Variants in CCDC15 observed in about 807,000 individuals in gnomAD.
The protein encoded by CCDC15 is coiled-coil domain-containing protein 15.
A neutral mutation model predicts 114.5 loss-of-function variants in CCDC15; 105 were observed. The observed-to-expected ratio is 0.92, with a 90% CI of 0.78 to 1.08. The LOEUF (loss-of-function observed/expected upper bound fraction) is 1.08. Ranked by LOEUF, CCDC15 falls within the 50% of genes least tolerant of loss-of-function variation. CCDC15 has a pLI of 0.00. For missense variants in CCDC15, 1,105 were observed against 1,093.6 expected (o/e 1.01, Z -0.15); for synonymous variants, 334 against 377.8 (o/e 0.88, Z 1.34).
In CCDC15 at chr11:125,007,030, G is replaced by A. The variant is rs118083415; in HGVS notation, c.2411+1818G>A. Among the ~76,000 whole-genome samples, 65 of 152,296 alleles carry A rather than the reference G, an allele frequency of 4.3e-4. 1 individual carries two copies. The East Asian group carries it at 0.012, about 28-fold the overall frequency. ...ATGTATATGATCAAATGTATGATGT[G>A]TAATGATCAAATCAGAGTAATTTGG... On this transcript the variant is annotated intron_variant, in intron 13 of 15. Transcript: ENST00000344762.
rs543576074 is a variant in CCDC15 at position 124,986,708 on chromosome 11, C to A, written c.754-34C>A. 23 of 1,401,770 alleles carry A rather than the reference C, an allele frequency of 1.6e-5. 3 individuals carry two copies. Among genetic ancestry groups the A allele is most frequent in the Admixed American group, 4.8e-5 (2 of 42,080 alleles). 86.8% of individuals were successfully genotyped at this position (1,401,770 alleles called of 1,614,324 possible). ...GTGTGTGTTTGTGTGTGTGCGCGCGCGCGCGTGCGCGTTTTCATTGTTTTT... is the reference window on the plus strand; with the variant it reads ...GTGTGTGTTTGTGTGTGTGCGCGCGAGCGCGTGCGCGTTTTCATTGTTTTT... On this transcript the variant is annotated intron_variant, in intron 6 of 15. Transcript: ENST00000344762.
Position 125,034,030 on chromosome 11 carries a change from G to A in CCDC15, c.2412-4401G>A, listed in dbSNP as rs568729933. On this transcript the variant is annotated intron_variant, in intron 13 of 15. Transcript: ENST00000344762. Reference sequence around the variant, plus strand: ...CTTTAGTCTTGTTATAGGTCTAGAAGCAAACAGAGGTGTTGGGGATAGCTC... The same window carrying A: ...CTTTAGTCTTGTTATAGGTCTAGAAACAAACAGAGGTGTTGGGGATAGCTC... 1.5e-4 allele frequency among the ~76,000 whole-genome samples: 23 copies of A among 152,318 alleles called. No individual in the cohort carries two copies. The East Asian group carries it at 3.9e-3, about 26-fold the overall frequency.
intron 2 of CCDC15, among the ~76,000 whole-genome samples, chr11:124,958,223 T>G (rs911907701): frequency 1.3e-5 from 2 of 152,214 alleles, no homozygotes; most frequent in African/African-American, 4.8e-5. Context: ...GATCAAGAAC[T>G]CAAATGGGAT....
rs1397005527 is a variant in CCDC15 at position 124,961,856 on chromosome 11, C to CA, written c.516+1862dup. ...AATTTTTTCTTAAAAACCACCCAAACAAAAAAAAAGCCTAGAATCTCCAAT... is the reference window on the plus strand; with the variant it reads ...AATTTTTTCTTAAAAACCACCCAAACAAAAAAAAAAGCCTAGAATCTCCAAT... On this transcript the variant is annotated intron_variant, in intron 4 of 15. Transcript: ENST00000344762. Among the ~76,000 whole-genome samples the CA allele has an allele frequency of 4.0e-4, 60 of 149,184 alleles. No homozygotes were observed. In the South Asian group the frequency reaches 9.1e-3, roughly 23 times the overall value.
chr11:125,030,227 C>T lies in CCDC15; in HGVS notation c.2412-8204C>T, dbSNP rs143183529. Among the ~76,000 whole-genome samples, 42 of 152,264 alleles carry T rather than the reference C, an allele frequency of 2.8e-4. No individual in the cohort carries two copies. The East Asian group carries it at 3.9e-3, about 14-fold the overall frequency. Reference sequence around the variant, plus strand: ...GGGAGAAACAGTACCACATATTGGACGCTGATTCAGAGCGTACACAGCCTT... The same window carrying T: ...GGGAGAAACAGTACCACATATTGGATGCTGATTCAGAGCGTACACAGCCTT... On this transcript the variant is annotated intron_variant, in intron 13 of 15. Coordinates refer to ENST00000344762, the MANE Select transcript of CCDC15 (RefSeq NM_025004.3).
chr11:124,992,549 G>A (rs751019880), intron 9 of CCDC15, 31 bp from the exon 10 acceptor site: 1 of 1,353,516 alleles, frequency 7.4e-7, no homozygotes, highest in Admixed American at 2.0e-5. Flanking sequence ...TTTTTCTGTT[G>A]TTGTTTTTCC....
chr11:124,956,701 C>T (rs1209377313), intron 2 of CCDC15, among the ~76,000 whole-genome samples: 2 of 152,218 alleles, frequency 1.3e-5, no homozygotes, highest in South Asian at 4.1e-4. Flanking sequence ...CATGGATAAA[C>T]ATATCTCCTT....
intron 6 of CCDC15, among the ~76,000 whole-genome samples, chr11:124,985,266 G>C (rs7932003): frequency 3.9e-5 from 6 of 152,018 alleles, no homozygotes; most frequent in Non-Finnish European, 7.4e-5. Context: ...AGACTTTGGC[G>C]TTCTTTTCAC....
intron 2 of CCDC15, among the ~76,000 whole-genome samples, chr11:124,958,459 CT>C (rs1947592986): frequency 6.6e-6 from 1 of 151,960 alleles, no homozygotes; most frequent in South Asian, 2.1e-4. Context: ...TTGGACACCC[CT>C]GGTTTAGAAT....
rs778980447 is a variant in CCDC15 at position 124,987,798 on chromosome 11, A to T, written c.1572A>T (p.Leu524=). The T allele has an allele frequency of 6.2e-7, 1 of 1,605,168 alleles. No individual in the cohort carries two copies. The highest frequency in any genetic ancestry group is 1.1e-5 in the South Asian group (1 of 90,334). The change falls in exon 8 of 16, where the codon CTA becomes CTT. Residue 524 remains leucine, a synonymous_variant. Transcript: ENST00000344762. The part of the protein sequence containing the change: ...QHVLPKDQNI[L]PKYQGQDFLP... ...TTCTCCCCAAAGACCAGAATATTCT[A>T]CCTAAATATCAAGGCCAGGATTTTC... is the stretch of plus-strand genomic sequence containing the variant.
At chr11:124,975,848 GA>G (rs1019582089) in intron 5 of CCDC15, among the ~76,000 whole-genome samples, 38 of 151,726 alleles carry the variant, frequency 2.5e-4, no homozygotes, top group African/African-American at 9.2e-4. Context: ...TTCTAATCAG[GA>G]AAAAATTGAA....
chr11:125,015,255 G>A (rs4341550), intron 13 of CCDC15, among the ~76,000 whole-genome samples: 50,327 of 151,710 alleles, frequency 0.33, 9,835 homozygotes, highest in East Asian at 0.74. Flanking sequence ...GTGCAAAATC[G>A]GTGAAATATA....
intron 13 of CCDC15, among the ~76,000 whole-genome samples, chr11:125,022,236 C>G (rs555865971): frequency 9.2e-5 from 14 of 151,880 alleles, no homozygotes; most frequent in Non-Finnish European, 1.3e-4. Context: ...TTACCTTCCT[C>G]ACATTCCTAG....
intron 12 of CCDC15, among the ~76,000 whole-genome samples, 197 bp downstream of exon 12, chr11:125,004,156 G>C (rs1948523146): frequency 6.6e-6 from 1 of 151,942 alleles, no homozygotes; most frequent in African/African-American, 2.4e-5. Context: ...AGGGTACATT[G>C]ATGTGAAATC....
At chr11:125,032,944 C>T (rs895609700) in intron 13 of CCDC15, among the ~76,000 whole-genome samples, 4 of 152,210 alleles carry the variant, frequency 2.6e-5, no homozygotes, top group South Asian at 2.1e-4. Context: ...GTCCCCGAAA[C>T]GTCTGATTGT....
At chr11:125,028,123 C>G (rs1426320908) in intron 13 of CCDC15, among the ~76,000 whole-genome samples, 2 of 152,288 alleles carry the variant, frequency 1.3e-5, no homozygotes, top group African/African-American at 4.8e-5. Context: ...ACTACGGGCA[C>G]TAAGTATGTA....
intron 8 of CCDC15, among the ~76,000 whole-genome samples, chr11:124,988,752 T>C (rs1948219035): frequency 6.6e-6 from 1 of 152,198 alleles, no homozygotes; most frequent in Non-Finnish European, 1.5e-5. Context: ...ATGTTCACAG[T>C]AGATTCCATC....
In CCDC15 at chr11:124,959,828, G is replaced by C. The variant is rs61521463; in HGVS notation, c.341G>C (p.Gly114Ala). The change falls in exon 4 of 16, where the codon GGC becomes GCC. Residue 114 changes from glycine (G) to alanine (A), a missense_variant. Coordinates refer to ENST00000344762, the MANE Select transcript of CCDC15 (RefSeq NM_025004.3). ...TCTTTCGTGTAGGCACAAAAAGAAGGCTCCATAGCCATGCAGTCTTCAGCA... is the reference window on the plus strand; with the variant it reads ...TCTTTCGTGTAGGCACAAAAAGAAGCCTCCATAGCCATGCAGTCTTCAGCA... Reference protein sequence around the residue: ...QKSYERAQKEGSIAMQSSATH... With the variant: ...QKSYERAQKEASIAMQSSATH... 4.8e-4 allele frequency: 763 copies of C among 1,596,406 alleles called. 5 individuals carry two copies. The African/African-American group carries it at 9.6e-3, about 20-fold the overall frequency.
Position 124,990,245 on chromosome 11 carries a change from A to G in CCDC15, c.1909-1216A>G, listed in dbSNP as rs147533652. Among the ~76,000 whole-genome samples the G allele has an allele frequency of 1.4e-4, 22 of 152,338 alleles. No homozygotes were observed. The East Asian group carries it at 3.9e-3, about 27-fold the overall frequency. On this transcript the variant is annotated intron_variant, in intron 8 of 15. Coordinates refer to ENST00000344762, the MANE Select transcript of CCDC15 (RefSeq NM_025004.3). ...CCAGGTGGTAGAACAGTGAGAACAC[A>G]CACAACATTTATCAGTTAGGTTTGC...
Sources: gnomAD v4.1 joint callset for allele counts (sites outside exome capture counted in the v4.1 genomes callset) on GRCh38, gnomAD v4.1.1 for gene constraint, MANE v1.5 for transcripts, NCBI Gene and HGNC (gene_info 2026-07-23, HGNC 2026-07-21) for gene names.